PRKN: variants seen among roughly 807,000 people sequenced by gnomAD.
PRKN encodes the protein E3 ubiquitin-protein ligase parkin.
PRKN carries 56 observed loss-of-function variants against 59.5 expected under a neutral mutation model. The ratio of observed to expected loss-of-function variants is 0.94; its 90% CI spans 0.76 to 1.18. The LOEUF (loss-of-function observed/expected upper bound fraction) is 1.18. Ranked by LOEUF, PRKN falls within the 50% of genes most tolerant of loss-of-function variation. The pLI, the probability that PRKN is intolerant of heterozygous loss-of-function variation, is 0.00. For synonymous variants in PRKN, 250 were observed against 222.1 expected, an observed-to-expected ratio of 1.13 and a Z score of -1.12; for missense variants, 657 against 596.4, an observed-to-expected ratio of 1.10 and a Z score of -1.06.
intron 9 of PRKN, among the ~76,000 whole-genome samples, chr6:161,504,481 G>C (rs1778077776): frequency 1.3e-5 from 2 of 152,122 alleles, no homozygotes; most frequent in Non-Finnish European, 2.9e-5. Flanking sequence ...CAAGTCAGGA[G>C]TTGTTGCAGG....
At chr6:162,378,292 GTC>G (rs1311487309) in intron 2 of PRKN, among the ~76,000 whole-genome samples, 6 of 152,158 alleles carry the variant, frequency 3.9e-5, no homozygotes, top group Admixed American at 3.9e-4. Flanking sequence ...ACTTTTTTCT[GTC>G]TCTCGTTCTT....
intron 1 of PRKN, among the ~76,000 whole-genome samples, chr6:162,491,315 C>A (rs1271745693): frequency 6.6e-6 from 1 of 151,606 alleles, no homozygotes. Flanking sequence ...CACCAGGGAC[C>A]ACTTTGTAGG....
At chr6:162,003,858 A>C (rs1489417162) in intron 5 of PRKN, among the ~76,000 whole-genome samples, 1 of 152,120 alleles carries the variant, frequency 6.6e-6, no homozygotes, top group Non-Finnish European at 1.5e-5. Context: ...CCATATCCTT[A>C]ATGATTTTCT....
chr6:162,233,475 T>C (rs1778511043), intron 3 of PRKN, among the ~76,000 whole-genome samples: 1 of 152,148 alleles, frequency 6.6e-6, no homozygotes, highest in Admixed American at 6.5e-5. Flanking sequence ...TAAAAACTAA[T>C]AGCCTCAGTT....
Position 161,410,345 on chromosome 6 carries a change from C to T in PRKN, c.1084-23468G>A, listed in dbSNP as rs1346984995. Among the ~76,000 whole-genome samples the T allele has an allele frequency of 6.6e-6, 1 of 152,166 alleles. No homozygotes were observed. The highest frequency in any genetic ancestry group is 1.5e-5 in the Non-Finnish European group (1 of 68,030). ...AGCGCCATGCTGAGCCCCGCTCATA[C>T]CCACTGGGCCCAGCTCTTTTTCAGT... On this transcript the variant is annotated intron_variant, in intron 9 of 11. Transcript: ENST00000366898. This position sits in a 1 kb window ranked among gnomAD's most constrained non-coding sequence, Gnocchi z 5.3.
intron 6 of PRKN, among the ~76,000 whole-genome samples, chr6:161,969,300 T>G: frequency 6.8e-6 from 1 of 146,324 alleles, no homozygotes; most frequent in Non-Finnish European, 1.5e-5. Flanking sequence ...TGTGAGTAAA[T>G]GCTCAAAAGT....
rs183603676 is a variant in PRKN at position 162,244,912 on chromosome 6, A to G, written c.412+17613T>C. On this transcript the variant is annotated intron_variant, in intron 3 of 11. Coordinates refer to ENST00000366898, the MANE Select transcript of PRKN (RefSeq NM_004562.3). ...TTTACTCTCAGTTCTCCATAAAAGAAGGAATGATAATTATGGCCCTAAGAG... is the reference window on the plus strand; with the variant it reads ...TTTACTCTCAGTTCTCCATAAAAGAGGGAATGATAATTATGGCCCTAAGAG... Among the ~76,000 whole-genome samples, 3 of 152,248 alleles carry G rather than the reference A, an allele frequency of 2.0e-5. No homozygotes were observed. The East Asian group carries it at 5.8e-4, about 29-fold the overall frequency.
rs1784962882 is a variant in PRKN at position 161,361,202 on chromosome 6, A to C, written c.1168-997T>G. 6.6e-6 allele frequency among the ~76,000 whole-genome samples: 1 copy of C among 152,232 alleles called. No individual in the cohort carries two copies. Among genetic ancestry groups the C allele is most frequent in the Non-Finnish European group, 1.5e-5 (1 of 68,040 alleles). ...ACATGAATCCAAACTTTGTCATTTCACTTTCGAATTCCAAGCCTTTTTGAA... is the reference window on the plus strand; with the variant it reads ...ACATGAATCCAAACTTTGTCATTTCCCTTTCGAATTCCAAGCCTTTTTGAA... On this transcript the variant is annotated intron_variant, in intron 10 of 11. Transcript: ENST00000366898. This position sits in a 1 kb window ranked among gnomAD's most constrained non-coding sequence, Gnocchi z 5.2.
intron 1 of PRKN, among the ~76,000 whole-genome samples, chr6:162,536,012 T>C (rs970958120): frequency 9.9e-5 from 15 of 152,000 alleles, no homozygotes; most frequent in African/African-American, 3.6e-4. Flanking sequence ...AGTACCTTAT[T>C]TACACATCAA....
chr6:162,642,033 T>C (rs1777983862), intron 1 of PRKN, among the ~76,000 whole-genome samples: 2 of 152,200 alleles, frequency 1.3e-5, no homozygotes, highest in South Asian at 4.1e-4. Flanking sequence ...TTGTTTTTTA[T>C]TTGTTTTTGT....
At chr6:161,665,775 A>G (rs1281718460) in intron 7 of PRKN, among the ~76,000 whole-genome samples, 1 of 152,182 alleles carries the variant, frequency 6.6e-6, no homozygotes, top group Non-Finnish European at 1.5e-5. Context: ...CCTTTTCTTC[A>G]TATTAAGTCT....
rs117906693 is a variant in PRKN at position 161,814,085 on chromosome 6, C to T, written c.735-28177G>A. On this transcript the variant is annotated intron_variant, in intron 6 of 11. Transcript: ENST00000366898. ...ACAGAAGGTAGCATCTTTGGTGATG[C>T]GACGTTTTTTCCTCTCCAGGAGCAA... 3.8e-4 allele frequency among the ~76,000 whole-genome samples: 58 copies of T among 152,240 alleles called. 1 individual carries two copies. The East Asian group carries it at 0.01, about 27-fold the overall frequency.
At chr6:162,206,967 C>G (rs1375338198) in intron 3 of PRKN, among the ~76,000 whole-genome samples, 2 of 152,160 alleles carry the variant, frequency 1.3e-5, no homozygotes, top group Non-Finnish European at 2.9e-5. Flanking sequence ...TTCATTAGTT[C>G]TAGTTTAACC....
chr6:162,099,099 A>C (rs1358093181), intron 4 of PRKN, among the ~76,000 whole-genome samples: 2 of 152,212 alleles, frequency 1.3e-5, no homozygotes, highest in African/African-American at 4.8e-5. Flanking sequence ...AAGAAAATTA[A>C]TTGAGGCCAG....
intron 7 of PRKN, among the ~76,000 whole-genome samples, chr6:161,656,484 C>A (rs1784356690): frequency 6.6e-6 from 1 of 152,182 alleles, no homozygotes; most frequent in African/African-American, 2.4e-5. Context: ...GCAGCACCCC[C>A]CACTGCTCTG....
At chr6:161,896,779 T>C (rs1777643773) in intron 6 of PRKN, among the ~76,000 whole-genome samples, 1 of 152,138 alleles carries the variant, frequency 6.6e-6, no homozygotes. Context: ...CCTTTTTCTA[T>C]ATCTCAATTC....
chr6:162,079,053 G>A, intron 4 of PRKN, among the ~76,000 whole-genome samples: 1 of 152,026 alleles, frequency 6.6e-6, no homozygotes, highest in East Asian at 1.9e-4. Flanking sequence ...TAGCCTCACA[G>A]TCATGAAGGA....
chr6:161,454,368 G>A lies in PRKN; in HGVS notation c.1084-67491C>T, dbSNP rs1002621392. Reference sequence around the variant, plus strand: ...CCATACTCTGAAGTTCTTGAAGAAGGCACTGGCTGGGGTTAGGGTGGCTTT... The same window carrying A: ...CCATACTCTGAAGTTCTTGAAGAAGACACTGGCTGGGGTTAGGGTGGCTTT... On this transcript the variant is annotated intron_variant, in intron 9 of 11. Coordinates refer to ENST00000366898, the MANE Select transcript of PRKN (RefSeq NM_004562.3). This position sits in a 1 kb window ranked among gnomAD's most constrained non-coding sequence, Gnocchi z 4.6. Among the ~76,000 whole-genome samples the A allele has an allele frequency of 2.0e-5, 3 of 152,158 alleles. No homozygotes were observed. The highest frequency in any genetic ancestry group is 7.2e-5 in the African/African-American group (3 of 41,442).
At chr6:161,725,266 A>T (rs1787393764) in intron 7 of PRKN, among the ~76,000 whole-genome samples, 1 of 152,202 alleles carries the variant, frequency 6.6e-6, no homozygotes, top group South Asian at 2.1e-4. Flanking sequence ...AAATAATTCA[A>T]CAAACCAGGT....
Sources: gnomAD v4.1 joint callset for allele counts (sites outside exome capture counted in the v4.1 genomes callset) on GRCh38, gnomAD v4.1.1 for gene constraint, Gnocchi (gnomAD v3.1) non-coding constraint, MANE v1.5 for transcripts, NCBI Gene and HGNC (gene_info 2026-07-23, HGNC 2026-07-21) for gene names.